Variants in CELF2 observed in about 807,000 individuals in gnomAD.
CELF2 encodes CUGBP Elav-like family member 2, also known as CUG triplet repeat RNA-binding protein 2.
In CELF2, 8 loss-of-function variants were observed where a neutral mutation model predicts 62.6. The observed-to-expected ratio is 0.13, with a 90% CI of 0.07 to 0.23. CELF2 has a LOEUF of 0.23. CELF2 is among the 10% of genes least tolerant of loss of function. The pLI is 1.00. For synonymous variants in CELF2, 258 were observed against 250.0 expected (o/e 1.03, Z -0.30); for missense variants, 333 against 671.0 (o/e 0.50, Z 5.56).
chr10:10,925,011 C>A (rs1564828610), intron 2 of CELF2: 1 of 152,114 alleles, frequency 6.6e-6, no homozygotes, highest in Non-Finnish European at 1.5e-5. Flanking sequence ...ACCTCTCCAG[C>A]TGACAATATT....
At chr10:10,745,022 G>T in the CELF2 span, among the ~76,000 whole-genome samples, 207 of 151,650 alleles carry the variant, frequency 1.4e-3, 2 homozygotes, top group African/African-American at 4.9e-3. Context: ...ACTCGAAGGC[G>T]TGAATATGAG....
intron 1 of CELF2, among the ~76,000 whole-genome samples, chr10:11,067,992 G>A (rs546977172): frequency 9.8e-5 from 15 of 152,296 alleles, no homozygotes; most frequent in African/African-American, 3.6e-4. Flanking sequence ...AGGGGATGGG[G>A]GGAGGATGAA....
intron 1 of CELF2, among the ~76,000 whole-genome samples, chr10:11,099,177 G>A (rs367757702): frequency 7.2e-5 from 11 of 152,184 alleles, no homozygotes; most frequent in Non-Finnish European, 1.3e-4. Flanking sequence ...ATGAGGAAAC[G>A]AATGTACTCT....
At chr10:10,723,267 G>A in the CELF2 span, among the ~76,000 whole-genome samples, 1 of 152,290 alleles carries the variant, frequency 6.6e-6, no homozygotes, top group South Asian at 2.1e-4. Flanking sequence ...GAGTCTAGCT[G>A]TCTAAAGTAA....
chr10:11,162,735 A>G (rs1185589304), intron 1 of CELF2, among the ~76,000 whole-genome samples: 1 of 152,212 alleles, frequency 6.6e-6, no homozygotes, highest in Non-Finnish European at 1.5e-5. Context: ...TTTGAATTGA[A>G]AAGTAGATTT....
chr10:10,805,464 T>C (rs1377212143), intron 1 of CELF2, among the ~76,000 whole-genome samples: 1 of 152,282 alleles, frequency 6.6e-6, no homozygotes, highest in Non-Finnish European at 1.5e-5. Flanking sequence ...CTTTTAAAAA[T>C]TTTTTGCAGA....
the CELF2 span, among the ~76,000 whole-genome samples, chr10:10,653,706 G>A: frequency 4.1e-5 from 6 of 146,680 alleles, no homozygotes; most frequent in East Asian, 3.9e-4. Flanking sequence ...TCTCTGGGAT[G>A]CATTCAAAGC....
In CELF2 at chr10:10,938,738, G is replaced by A. The variant is rs1010397319; in HGVS notation, c.89+18739G>A. Among the ~76,000 whole-genome samples, 1 of 152,144 alleles carries A rather than the reference G, an allele frequency of 6.6e-6. No homozygotes were observed. Among genetic ancestry groups the A allele is most frequent in the African/African-American group, 2.4e-5 (1 of 41,428 alleles). ...AGGGAGGGGGATGTGAGACAGGAAT[G>A]GGGGAGGTCAGCAAAGCCTGAGTGT... On this transcript the variant is annotated intron_variant, in intron 2 of 13. Transcript: ENST00000636488. The surrounding 1 kb of genome is among the most constrained non-coding windows in gnomAD (Gnocchi z 4.2).
chr10:11,032,146 C>CAAAAAAAAAAAAAAAAAAA lies in CELF2; in HGVS notation c.74+13990_74+14008dup, dbSNP rs56364371. Among the ~76,000 whole-genome samples, 87 of 86,374 alleles carry CAAAAAAAAAAAAAAAAAAA rather than the reference C, an allele frequency of 1.0e-3. 4 individuals are homozygous for CAAAAAAAAAAAAAAAAAAA. Among genetic ancestry groups the CAAAAAAAAAAAAAAAAAAA allele is most frequent in the Non-Finnish European group, 1.6e-3 (63 of 38,726 alleles). 56.7% of individuals were successfully genotyped at this position (86,374 alleles called of 152,430 possible). A position where few individuals can be genotyped will look rare whatever the true frequency, so the allele number is the denominator to read the frequency against. On this transcript the variant is annotated intron_variant, in intron 1 of 12. Transcript: ENST00000633077. ...CTCCCAGCTCCACATAGGGCTTAGC[C>CAAAAAAAAAAAAAAAAAAA]AAAAAAAAAAAAAAAAAAAAAAAAA...
chr10:10,993,987 C>G lies in CELF2; in HGVS notation c.89+73988C>G, dbSNP rs1400684407. On this transcript the variant is annotated intron_variant, in intron 2 of 13. Transcript: ENST00000636488. This position sits in a 1 kb window ranked among gnomAD's most constrained non-coding sequence, Gnocchi z 5.3. ...TCATGAGAAACCAAACCTGCTGTCA[C>G]CTTGATCTTGACTTCCAGCCTCCAG... Among the ~76,000 whole-genome samples the G allele has an allele frequency of 6.6e-6, 1 of 152,192 alleles. No homozygotes were observed. The highest frequency in any genetic ancestry group is 1.5e-5 in the Non-Finnish European group (1 of 68,034).
chr10:11,133,806 T>C (rs1216594893), intron 1 of CELF2, among the ~76,000 whole-genome samples: 5 of 152,150 alleles, frequency 3.3e-5, no homozygotes, highest in African/African-American at 1.2e-4. Context: ...GGAGTTCTAG[T>C]AAAAGGTACA....
chr10:10,970,310 G>A lies in CELF2; in HGVS notation c.89+50311G>A, dbSNP rs533855676. Among the ~76,000 whole-genome samples the A allele has an allele frequency of 1.6e-4, 24 of 152,060 alleles. No homozygotes were observed. In the South Asian group the frequency reaches 3.7e-3, roughly 24 times the overall value. On this transcript the variant is annotated intron_variant, in intron 2 of 13. Transcript: ENST00000636488. ...TTGAACTCCTGGCCTCAAGCGATCC[G>A]CCCACCTCAGCCTCCCAAAGTGCTG...
intron 1 of CELF2, among the ~76,000 whole-genome samples, chr10:10,819,928 C>G (rs2056815793): frequency 6.6e-6 from 1 of 152,044 alleles, no homozygotes; most frequent in Non-Finnish European, 1.5e-5. Flanking sequence ...TACTGTTTGG[C>G]TTTGTCCCCA....
chr10:10,505,605 G>A, the CELF2 span, among the ~76,000 whole-genome samples: 3 of 152,096 alleles, frequency 2.0e-5, no homozygotes, highest in Admixed American at 1.3e-4. Flanking sequence ...GGCCTTCTTT[G>A]ACACCACCCC....
intron 1 of CELF2, among the ~76,000 whole-genome samples, chr10:10,801,282 A>T (rs1256751523): frequency 2.0e-5 from 3 of 152,216 alleles, no homozygotes; most frequent in African/African-American, 7.2e-5. Flanking sequence ...CTGGCTTTTT[A>T]ACTGTGTGTA....
chr10:11,185,357 T>C (rs2074576476), intron 2 of CELF2, among the ~76,000 whole-genome samples: 1 of 152,120 alleles, frequency 6.6e-6, no homozygotes, highest in Non-Finnish European at 1.5e-5. Context: ...CTGATTTGGA[T>C]ATTGAGCCAA....
At chr10:10,691,495 G>C in the CELF2 span, among the ~76,000 whole-genome samples, 1 of 151,470 alleles carries the variant, frequency 6.6e-6, no homozygotes, top group Non-Finnish European at 1.5e-5. Flanking sequence ...ATAGCAGCAT[G>C]ATTTATAGTC....
the CELF2 span, among the ~76,000 whole-genome samples, chr10:10,727,212 A>T: frequency 6.6e-6 from 1 of 152,188 alleles, no homozygotes; most frequent in Admixed American, 6.5e-5. Flanking sequence ...AATGCTGTTG[A>T]TTTCCCACCA....
chr10:11,101,073 G>T (rs1402518462), intron 1 of CELF2, among the ~76,000 whole-genome samples: 1 of 152,088 alleles, frequency 6.6e-6, no homozygotes, highest in Non-Finnish European at 1.5e-5. Context: ...ATTTAGAAGG[G>T]GAAATCAATA....
Sources: allele counts gnomAD v4.1 joint callset (sites outside exome capture counted in the v4.1 genomes callset), GRCh38; gene constraint gnomAD v4.1.1; non-coding constraint Gnocchi (gnomAD v3.1); transcripts MANE v1.5; gene names NCBI Gene and HGNC (gene_info 2026-07-23, HGNC 2026-07-21).